PCSK6: variants seen among roughly 807,000 people sequenced by gnomAD.
PCSK6 encodes proprotein convertase subtilisin/kexin type 6, also known as paired basic amino acid cleaving enzyme 4.
In PCSK6, 85 loss-of-function variants were observed where a neutral mutation model predicts 123.3. That is an observed-to-expected ratio of 0.69 (90% CI 0.58 to 0.83). PCSK6 has a LOEUF of 0.83. Among genes scored for constraint, PCSK6 ranks in the 40% least tolerant of loss-of-function variants. PCSK6 has a pLI of 0.00. For synonymous variants in PCSK6, 508 were observed against 516.0 expected, an observed-to-expected ratio of 0.98 and a Z score of 0.21; for missense variants, 1,191 against 1,282.3, an observed-to-expected ratio of 0.93 and a Z score of 1.09.
intron 20 of PCSK6, among the ~76,000 whole-genome samples, chr15:101,310,126 C>A (rs114403049): frequency 6.6e-6 from 1 of 152,064 alleles, no homozygotes; most frequent in South Asian, 2.1e-4. Flanking sequence ...TGGGGAGAGA[C>A]CCCGCAGAAC....
chr15:101,387,337 G>A (rs891086969), intron 9 of PCSK6, among the ~76,000 whole-genome samples: 8 of 152,154 alleles, frequency 5.3e-5, no homozygotes, highest in South Asian at 2.1e-4. Context: ...CATGCTGCCC[G>A]TGCAACCTGG....
intron 6 of PCSK6, among the ~76,000 whole-genome samples, chr15:101,410,491 GC>G (rs2042914498): frequency 1.3e-5 from 2 of 152,204 alleles, no homozygotes; most frequent in Non-Finnish European, 2.9e-5. Flanking sequence ...AAGAAGAGGG[GC>G]TAGGAAATGC....
At chr15:101,395,009 T>G (rs1232236955) in intron 7 of PCSK6, among the ~76,000 whole-genome samples, 2 of 152,162 alleles carry the variant, frequency 1.3e-5, no homozygotes, top group East Asian at 3.9e-4. Context: ...TGTGTGCACG[T>G]GATTACCTGC....
chr15:101,413,007 A>AGGG (rs2055753916), intron 6 of PCSK6, among the ~76,000 whole-genome samples: 1 of 116,492 alleles, frequency 8.6e-6, no homozygotes, highest in African/African-American at 4.1e-5. Flanking sequence ...AGGAGGAGTG[A>AGGG]GGAGGAGGAG....
At chr15:101,480,503 C>A (rs2057848674) in intron 1 of PCSK6, among the ~76,000 whole-genome samples, 1 of 152,264 alleles carries the variant, frequency 6.6e-6, no homozygotes. Flanking sequence ...GATCCCATCC[C>A]ATGGAGCGTG....
rs2042298631 is a variant in PCSK6, at chr15:101,393,501, C to T, written c.997-77G>A. On this transcript the variant is annotated intron_variant, in intron 7 of 21. Coordinates refer to ENST00000611716, the MANE Select transcript of PCSK6 (RefSeq NM_002570.5). ...TGGGTCTCCCCCCGAACCTAGAGTC[C>T]CATCTCCCAAATGTTCCTTCAAAGG... The T allele has an allele frequency of 7.4e-6, 8 of 1,085,580 alleles. No individual in the cohort carries two copies. The Admixed American group carries it at 1.9e-4, about 26-fold the overall frequency. 67.2% of individuals were successfully genotyped at this position (1,085,580 alleles called of 1,614,324 possible). A position where few individuals can be genotyped will look rare whatever the true frequency, so the allele number is the denominator to read the frequency against.
At chr15:101,427,699 T>C (rs1210882602) in intron 6 of PCSK6, among the ~76,000 whole-genome samples, 193 bp downstream of exon 6, 1 of 152,236 alleles carries the variant, frequency 6.6e-6, no homozygotes, top group Non-Finnish European at 1.5e-5. Context: ...GCAGTTCCTC[T>C]GTCTTGAGGC....
intron 1 of PCSK6, among the ~76,000 whole-genome samples, chr15:101,483,848 C>T (rs7163461): frequency 0.034 from 5,193 of 152,298 alleles, 299 homozygotes; most frequent in African/African-American, 0.12. Flanking sequence ...ACAAGTGGAT[C>T]GGCCCAGTCT....
intron 13 of PCSK6, among the ~76,000 whole-genome samples, chr15:101,334,016 C>T (rs527499734): frequency 1.3e-5 from 2 of 152,304 alleles, no homozygotes; most frequent in Non-Finnish European, 1.5e-5. Flanking sequence ...TGGACAGGGC[C>T]GGAAGAGGTA....
intron 13 of PCSK6, among the ~76,000 whole-genome samples, chr15:101,357,297 G>T (rs2041071346): frequency 6.6e-6 from 1 of 152,204 alleles, no homozygotes; most frequent in Admixed American, 6.5e-5. Flanking sequence ...CAGACAACCA[G>T]GGAGTGGAAG....
intron 20 of PCSK6, chr15:101,307,754 G>C (rs1205732325): frequency 5.4e-6 from 1 of 184,732 alleles, no homozygotes; most frequent in Non-Finnish European, 1.1e-5. Context: ...ACCCAGGGAT[G>C]TGACACACCT....
At chr15:101,309,877 C>CA (rs1567134722) in intron 20 of PCSK6, among the ~76,000 whole-genome samples, 1 of 151,776 alleles carries the variant, frequency 6.6e-6, no homozygotes, top group Non-Finnish European at 1.5e-5. Flanking sequence ...TTCTCAGCGT[C>CA]GGGCCTCGGC....
intron 6 of PCSK6, among the ~76,000 whole-genome samples, chr15:101,427,213 G>T (rs914060987): frequency 1.3e-5 from 2 of 152,166 alleles, no homozygotes; most frequent in Non-Finnish European, 2.9e-5. Context: ...CGGGGCAGGG[G>T]CGGCTGCTGC....
At chr15:101,320,848 T>C (rs985965833) in intron 18 of PCSK6, among the ~76,000 whole-genome samples, 18 of 152,348 alleles carry the variant, frequency 1.2e-4, no homozygotes, top group Non-Finnish European at 8.8e-5. Flanking sequence ...GCGATGCGTC[T>C]GGAGTTTGCA....
intron 6 of PCSK6, among the ~76,000 whole-genome samples, chr15:101,408,625 G>A (rs774595608): frequency 3.3e-4 from 50 of 152,162 alleles, no homozygotes; most frequent in Non-Finnish European, 5.1e-4. Context: ...GGGAACACCC[G>A]CTCCCTGACA....
intron 18 of PCSK6, 106 bp downstream of exon 18, chr15:101,322,414 T>G: frequency 1.3e-6 from 1 of 756,534 alleles, no homozygotes; most frequent in Admixed American, 2.6e-5. Context: ...GCTTTGGGCC[T>G]CTGACAGTTC....
At position 101,324,840 on chromosome 15, in the gene PCSK6, A is replaced by C. The variant is rs1346015509; in HGVS notation, c.2377+10T>G. 1 of 1,605,560 alleles carries C rather than the reference A, an allele frequency of 6.2e-7. No homozygotes were observed. The highest frequency in any genetic ancestry group is 1.7e-5 in the Admixed American group (1 of 59,776). On this transcript the variant is annotated intron_variant, in intron 17 of 21. Transcript: ENST00000611716. ...TCATCAGTTCTTGTACCCACAAACAAGCCACTTACTTTCATCAGCATAAAA... is the reference window on the plus strand; with the variant it reads ...TCATCAGTTCTTGTACCCACAAACACGCCACTTACTTTCATCAGCATAAAA...
chr15:101,476,267 T>C (rs931703726), intron 1 of PCSK6, among the ~76,000 whole-genome samples: 1 of 152,208 alleles, frequency 6.6e-6, no homozygotes, highest in African/African-American at 2.4e-5. Context: ...TAACTAGTAT[T>C]TGTTTTGTTC....
chr15:101,404,739 G>A (rs200484666), intron 6 of PCSK6, among the ~76,000 whole-genome samples: 2 of 152,282 alleles, frequency 1.3e-5, no homozygotes, highest in East Asian at 3.9e-4. Flanking sequence ...CGGAACTGCT[G>A]GATAAATGGC....
Sources: allele counts gnomAD v4.1 joint callset (sites outside exome capture counted in the v4.1 genomes callset), GRCh38; gene constraint gnomAD v4.1.1; transcripts MANE v1.5; gene names NCBI Gene and HGNC (gene_info 2026-07-23, HGNC 2026-07-21).